MTHFD1L: variants seen among roughly 807,000 people sequenced by gnomAD.
MTHFD1L encodes the protein methylenetetrahydrofolate dehydrogenase (NADP+ dependent) 1 like.
MTHFD1L carries 81 observed loss-of-function variants against 119.5 expected under a neutral mutation model. The observed-to-expected ratio is 0.68, with a 90% CI of 0.57 to 0.82. The LOEUF is 0.82. Ranked by LOEUF, MTHFD1L falls within the 40% of genes least tolerant of loss-of-function variation. MTHFD1L has a pLI of 0.00. For missense variants in MTHFD1L, 1,125 were observed against 1,253.4 expected, an observed-to-expected ratio of 0.90 and a Z score of 1.55; for synonymous variants, 430 against 475.2, an observed-to-expected ratio of 0.90 and a Z score of 1.24.
At chr6:150,892,506 T>C (rs1783477968) in intron 7 of MTHFD1L, among the ~76,000 whole-genome samples, 1 of 152,178 alleles carries the variant, frequency 6.6e-6, no homozygotes, top group Non-Finnish European at 1.5e-5. Context: ...CCCTAAGTCC[T>C]TGGTATTTAT....
At position 150,986,337 on chromosome 6, in the gene MTHFD1L, C is replaced by T. The variant is rs74474745; in HGVS notation, c.2125+14279C>T. ...ACTTTTCATTTAAAAAAGAAAAACT[C>T]TAAATTGCATTGTGATATAACCCTT... On this transcript the variant is annotated intron_variant, in intron 20 of 27. Transcript: ENST00000367321. 4.8e-3 allele frequency among the ~76,000 whole-genome samples: 726 copies of T among 152,292 alleles called. 5 individuals are homozygous for T. The highest frequency in any genetic ancestry group is 0.017 in the African/African-American group (692 of 41,562).
chr6:150,896,438 G>C (rs1025742715), intron 7 of MTHFD1L, among the ~76,000 whole-genome samples: 3 of 152,162 alleles, frequency 2.0e-5, no homozygotes, highest in Non-Finnish European at 4.4e-5. Context: ...CCTCAGTTAT[G>C]TGAGTTCATC....
At chr6:151,031,534 TGG>T (rs1181581490) in intron 24 of MTHFD1L, among the ~76,000 whole-genome samples, 2 of 152,362 alleles carry the variant, frequency 1.3e-5, no homozygotes, top group Admixed American at 1.3e-4. Flanking sequence ...AGGTGGCTTT[TGG>T]GATAGATCTT....
At chr6:150,978,270 G>A (rs754563496) in intron 20 of MTHFD1L, among the ~76,000 whole-genome samples, 3 of 152,062 alleles carry the variant, frequency 2.0e-5, no homozygotes, top group Non-Finnish European at 4.4e-5. Flanking sequence ...ATAAGAGAGA[G>A]AAAGAACTGT....
chr6:151,049,094 G>A (rs1008618284), intron 26 of MTHFD1L, among the ~76,000 whole-genome samples: 1 of 152,220 alleles, frequency 6.6e-6, no homozygotes, highest in African/African-American at 2.4e-5. Flanking sequence ...GGTGGCTCAT[G>A]CCTGTAATGC....
intron 4 of MTHFD1L, among the ~76,000 whole-genome samples, chr6:150,881,324 T>C (rs73011394): frequency 0.043 from 6,509 of 152,268 alleles, 176 homozygotes; most frequent in Non-Finnish European, 0.064. Context: ...GTTTTCCCAG[T>C]GCTATTTATT....
intron 20 of MTHFD1L, among the ~76,000 whole-genome samples, chr6:150,976,140 G>T (rs1776531260): frequency 6.6e-6 from 1 of 152,180 alleles, no homozygotes; most frequent in Admixed American, 6.5e-5. Flanking sequence ...GGCAGAGGTT[G>T]CAGTGAGCTG....
rs142447120 is a variant in MTHFD1L at position 151,010,934 on chromosome 6, A to G, written c.2265+976A>G. On this transcript the variant is annotated intron_variant, in intron 21 of 27. Coordinates refer to ENST00000367321, the MANE Select transcript of MTHFD1L (RefSeq NM_015440.5). ...TGCCATCATGAAACGCTGTAAAGCA[A>G]TTCTTTCTCCTGGGAGAGGTGGACA... 1.3e-3 allele frequency among the ~76,000 whole-genome samples: 203 copies of G among 152,346 alleles called. 1 individual carries two copies. Among genetic ancestry groups the G allele is most frequent in the African/African-American group, 4.8e-3 (201 of 41,578 alleles).
intron 26 of MTHFD1L, among the ~76,000 whole-genome samples, chr6:151,075,249 G>A (rs1792372491): frequency 6.6e-6 from 1 of 152,020 alleles, no homozygotes; most frequent in African/African-American, 2.4e-5. Flanking sequence ...GACTATTACT[G>A]TCAACAAGAA....
intron 20 of MTHFD1L, among the ~76,000 whole-genome samples, chr6:150,976,384 C>A (rs1378868390): frequency 6.6e-6 from 1 of 152,128 alleles, no homozygotes; most frequent in East Asian, 1.9e-4. Context: ...CTTTGCAAAC[C>A]CTCCCAGGTC....
intron 20 of MTHFD1L, among the ~76,000 whole-genome samples, chr6:150,972,315 A>G (rs1343006981): frequency 6.6e-6 from 1 of 152,198 alleles, no homozygotes; most frequent in East Asian, 1.9e-4. Flanking sequence ...ACTGAGTGAC[A>G]TTGGACACAT....
intron 26 of MTHFD1L, among the ~76,000 whole-genome samples, chr6:151,072,808 A>G (rs1792081523): frequency 3.9e-5 from 6 of 151,928 alleles, no homozygotes; most frequent in Admixed American, 3.9e-4. Flanking sequence ...ACTCTGTCTC[A>G]AAAAATAAAA....
intron 7 of MTHFD1L, among the ~76,000 whole-genome samples, chr6:150,899,384 T>C (rs566840770): frequency 6.6e-6 from 1 of 152,284 alleles, no homozygotes; most frequent in South Asian, 2.1e-4. Context: ...ACCCAATTCC[T>C]GAAAGGAAAA....
At chr6:150,966,122 G>C (rs542452931) in intron 19 of MTHFD1L, among the ~76,000 whole-genome samples, 17 of 152,312 alleles carry the variant, frequency 1.1e-4, no homozygotes, top group Admixed American at 3.3e-4. Flanking sequence ...CGAGGATCTG[G>C]TTAGGAACCT....
At chr6:150,911,728 T>C (rs896658177) in intron 8 of MTHFD1L, among the ~76,000 whole-genome samples, 10 of 152,244 alleles carry the variant, frequency 6.6e-5, no homozygotes, top group Middle Eastern at 3.4e-3. Context: ...TAATTGGACT[T>C]ACAGTTCCAC....
intron 26 of MTHFD1L, among the ~76,000 whole-genome samples, chr6:151,061,006 G>T (rs1299886942): frequency 6.6e-6 from 1 of 152,188 alleles, no homozygotes; most frequent in Non-Finnish European, 1.5e-5. Flanking sequence ...TACCGAACTA[G>T]AATGAACTAA....
intron 26 of MTHFD1L, among the ~76,000 whole-genome samples, chr6:151,085,630 C>T (rs1340641733): frequency 5.3e-5 from 8 of 151,958 alleles, no homozygotes; most frequent in Non-Finnish European, 1.0e-4. Flanking sequence ...AATTACCTGG[C>T]CATGGTGGTG....
chr6:150,965,579 T>G (rs890567375), intron 19 of MTHFD1L, among the ~76,000 whole-genome samples: 1 of 151,822 alleles, frequency 6.6e-6, no homozygotes, highest in African/African-American at 2.4e-5. Context: ...GAGAATCGCT[T>G]GAACCCGGGA....
At chr6:151,057,449 T>A in intron 26 of MTHFD1L, 1 of 554,372 alleles carries the variant, frequency 1.8e-6, no homozygotes, top group Non-Finnish European at 2.3e-6. Context: ...GAGACCAGCC[T>A]GGGCAACATA....
Sources: allele counts gnomAD v4.1 joint callset (sites outside exome capture counted in the v4.1 genomes callset), GRCh38; gene constraint gnomAD v4.1.1; transcripts MANE v1.5; gene names NCBI Gene and HGNC (gene_info 2026-07-23, HGNC 2026-07-21).